Variants in PCDH9 observed in about 807,000 individuals in gnomAD.
PCDH9 encodes protocadherin-9.
PCDH9 carries 24 observed loss-of-function variants against 70.6 expected under a neutral mutation model. That is an observed-to-expected ratio of 0.34 (90% confidence interval 0.25 to 0.48). The LOEUF is 0.48. PCDH9 is among the 20% of genes least tolerant of loss of function. PCDH9 has a pLI of 0.99. For synonymous variants in PCDH9, 562 were observed against 558.5 expected (o/e 1.01, Z -0.09); for missense variants, 1,281 against 1,503.6 (o/e 0.85, Z 2.45).
At chr13:66,737,031 G>A (rs11838392) in intron 3 of PCDH9, among the ~76,000 whole-genome samples, 2,351 of 152,240 alleles carry the variant, frequency 0.015, 21 homozygotes, top group Non-Finnish European at 0.024. Context: ...CATCTCCCAT[G>A]AAACGCAGGG....
intron 2 of PCDH9, among the ~76,000 whole-genome samples, chr13:66,945,192 T>C (rs1007999991): frequency 2.0e-5 from 3 of 146,502 alleles, no homozygotes; most frequent in African/African-American, 7.5e-5. Context: ...CATCTGAGAC[T>C]TACCTGCCTA....
intron 2 of PCDH9, chr13:66,914,352 T>C (rs912101423): frequency 6.6e-6 from 1 of 151,880 alleles, no homozygotes; most frequent in African/African-American, 2.4e-5. Context: ...TTCAAACTAA[T>C]ATAACTTCCG....
At chr13:66,662,399 G>T (rs1002285593) in intron 3 of PCDH9, among the ~76,000 whole-genome samples, 1 of 151,964 alleles carries the variant, frequency 6.6e-6, no homozygotes, top group Non-Finnish European at 1.5e-5. Flanking sequence ...TTTGAACTTG[G>T]GAGGCAGAGG....
chr13:66,440,001 G>A (rs927822240), intron 4 of PCDH9, among the ~76,000 whole-genome samples: 1 of 152,058 alleles, frequency 6.6e-6, no homozygotes, highest in South Asian at 2.1e-4. Flanking sequence ...ACAACTCAAA[G>A]TTCACCTTGA....
intron 4 of PCDH9, among the ~76,000 whole-genome samples, chr13:66,373,945 C>T (rs1956704063): frequency 6.6e-6 from 1 of 151,996 alleles, no homozygotes; most frequent in Admixed American, 6.6e-5. Context: ...TTCAGAATTT[C>T]AAAAATACAT....
chr13:67,032,617 TA>T (rs1384645213), intron 2 of PCDH9, among the ~76,000 whole-genome samples: 1 of 152,218 alleles, frequency 6.6e-6, no homozygotes, highest in African/African-American at 2.4e-5. Flanking sequence ...AGGGTGTTTT[TA>T]TATGTTATTA....
At chr13:66,920,512 A>G (rs567556681) in intron 2 of PCDH9, among the ~76,000 whole-genome samples, 8 of 151,100 alleles carry the variant, frequency 5.3e-5, no homozygotes, top group Non-Finnish European at 1.2e-4. Context: ...TTCTTATATT[A>G]ATAACCTTCC....
At chr13:66,475,945 C>G (rs1958718832) in intron 4 of PCDH9, among the ~76,000 whole-genome samples, 1 of 152,030 alleles carries the variant, frequency 6.6e-6, no homozygotes, top group Non-Finnish European at 1.5e-5. Flanking sequence ...CGATTTGTCC[C>G]TTGGACTTTA....
At chr13:66,950,109 T>C (rs929241322) in intron 2 of PCDH9, among the ~76,000 whole-genome samples, 49 of 152,088 alleles carry the variant, frequency 3.2e-4, no homozygotes, top group African/African-American at 1.1e-3. Context: ...AAATATTAAA[T>C]TAAGTGATAT....
intron 2 of PCDH9, chr13:67,221,928 A>G (rs2089734325): frequency 6.6e-6 from 1 of 152,164 alleles, no homozygotes; most frequent in Admixed American, 6.6e-5. Flanking sequence ...TGGTTCTCAA[A>G]GTGTGGGCCC....
At chr13:66,414,663 A>G (rs529016999) in intron 4 of PCDH9, among the ~76,000 whole-genome samples, 12 of 152,200 alleles carry the variant, frequency 7.9e-5, no homozygotes, top group Non-Finnish European at 1.2e-4. Flanking sequence ...AATACTGCTG[A>G]AAATGCGGAA....
intron 2 of PCDH9, among the ~76,000 whole-genome samples, chr13:66,945,519 GTTTTA>G (rs2083074439): frequency 6.6e-6 from 1 of 151,908 alleles, no homozygotes; most frequent in African/African-American, 2.4e-5. Flanking sequence ...TTTTCATATA[GTTTTA>G]TTTTATCTAC....
At chr13:66,372,224 A>C (rs1204202422) in intron 4 of PCDH9, among the ~76,000 whole-genome samples, 1 of 151,914 alleles carries the variant, frequency 6.6e-6, no homozygotes, top group Non-Finnish European at 1.5e-5. Flanking sequence ...TAAATAACTA[A>C]AGTACATGAC....
chr13:67,159,299 G>A (rs932089995), intron 2 of PCDH9, among the ~76,000 whole-genome samples: 3 of 152,134 alleles, frequency 2.0e-5, no homozygotes, highest in African/African-American at 4.8e-5. Flanking sequence ...AGGAGAGTGG[G>A]CCACCCTGTG....
chr13:66,881,700 T>C (rs1255415692), intron 3 of PCDH9, among the ~76,000 whole-genome samples: 2 of 152,196 alleles, frequency 1.3e-5, no homozygotes, highest in Non-Finnish European at 2.9e-5. Context: ...GAAAATAATA[T>C]GTTTTCTAGA....
chr13:66,894,974 A>T (rs1464309665), intron 3 of PCDH9, among the ~76,000 whole-genome samples: 3 of 151,762 alleles, frequency 2.0e-5, no homozygotes, highest in Non-Finnish European at 4.4e-5. Flanking sequence ...TGCCTGATGA[A>T]TTTTTCTATT....
intron 4 of PCDH9, among the ~76,000 whole-genome samples, chr13:66,332,706 A>G (rs1208670177): frequency 6.6e-6 from 1 of 152,026 alleles, no homozygotes; most frequent in Non-Finnish European, 1.5e-5. Context: ...CCTGGGATCT[A>G]TTCCACAGGA....
intron 2 of PCDH9, among the ~76,000 whole-genome samples, chr13:67,123,960 A>T (rs537547141): frequency 1.3e-5 from 2 of 152,172 alleles, no homozygotes; most frequent in South Asian, 4.1e-4. Flanking sequence ...ATCTTAATTC[A>T]CAAAATATCT....
chr13:66,981,449 A>AG (rs1223021448), intron 2 of PCDH9, among the ~76,000 whole-genome samples: 1 of 151,488 alleles, frequency 6.6e-6, no homozygotes, highest in Non-Finnish European at 1.5e-5. Flanking sequence ...AAAAAAAAAA[A>AG]AAAGAAAAAA....
Sources: allele counts gnomAD v4.1 joint callset (sites outside exome capture counted in the v4.1 genomes callset), GRCh38; gene constraint gnomAD v4.1.1; transcripts MANE v1.5; gene names NCBI Gene and HGNC (gene_info 2026-07-23, HGNC 2026-07-21).